Variants in TNNI3K observed in about 807,000 individuals in gnomAD.
TNNI3K encodes the protein serine/threonine-protein kinase TNNI3K.
A neutral mutation model predicts 114.5 loss-of-function variants in TNNI3K; 140 were observed. The observed-to-expected ratio is 1.22, with a 90% CI of 1.07 to 1.41. The LOEUF is 1.41. Among genes scored for constraint, TNNI3K ranks in the 40% most tolerant of loss-of-function variants. The pLI is 0.00. For missense variants in TNNI3K, 1,125 were observed against 1,007.6 expected (o/e 1.12, Z -1.58); for synonymous variants, 347 against 347.5 (o/e 1.00, Z 0.02).
chr1:74,298,533 T>A (rs1658126985), intron 5 of TNNI3K, among the ~76,000 whole-genome samples: 1 of 152,160 alleles, frequency 6.6e-6, no homozygotes. Flanking sequence ...GAGAGTTAAA[T>A]CATCCAAATT....
At chr1:74,306,537 T>C (rs1658648681) in intron 5 of TNNI3K, among the ~76,000 whole-genome samples, 1 of 152,130 alleles carries the variant, frequency 6.6e-6, no homozygotes, top group Non-Finnish European at 1.5e-5. Context: ...CATGCCAACA[T>C]GTGTTAGTTT....
At chr1:74,250,043 T>A (rs1654832112) in intron 3 of TNNI3K, among the ~76,000 whole-genome samples, 1 of 152,242 alleles carries the variant, frequency 6.6e-6, no homozygotes, top group Admixed American at 6.5e-5. Context: ...GAATGGTGCC[T>A]GGCCTGTAAT....
At chr1:74,253,383 C>A (rs1463315392) in intron 4 of TNNI3K, among the ~76,000 whole-genome samples, 1 of 152,150 alleles carries the variant, frequency 6.6e-6, no homozygotes, top group Non-Finnish European at 1.5e-5. Context: ...CACTGTGGAG[C>A]AGGGGGCAGC....
At chr1:74,464,491 T>A (rs1407612094) in intron 21 of TNNI3K, 2 of 1,354,962 alleles carry the variant, frequency 1.5e-6, no homozygotes, top group Non-Finnish European at 1.9e-6. Context: ...TTGTTTCTGA[T>A]CCTTCCTAGG....
intron 17 of TNNI3K, among the ~76,000 whole-genome samples, chr1:74,399,083 G>A (rs947780551): frequency 2.7e-5 from 4 of 150,758 alleles, no homozygotes; most frequent in African/African-American, 7.3e-5. Context: ...TTGAACCCGG[G>A]AGGTGGACGT....
At chr1:74,248,286 A>G (rs1654712333) in intron 2 of TNNI3K, among the ~76,000 whole-genome samples, 1 of 150,096 alleles carries the variant, frequency 6.7e-6, no homozygotes, top group Non-Finnish European at 1.5e-5. Context: ...TGCCCACTCC[A>G]CTCCCTCCAC....
intron 20 of TNNI3K, among the ~76,000 whole-genome samples, chr1:74,441,502 G>T (rs1298378366): frequency 6.6e-6 from 1 of 152,034 alleles, no homozygotes; most frequent in Non-Finnish European, 1.5e-5. Context: ...GCTTTTGTGT[G>T]GTTGTTTTTG....
chr1:74,538,072 G>A (rs10890129), intron 23 of TNNI3K, among the ~76,000 whole-genome samples: 142,848 of 152,206 alleles, frequency 0.94, 67,155 homozygotes, highest in Middle Eastern at 0.97. Flanking sequence ...ATTCTTAACC[G>A]TAGCACTATA....
At chr1:74,442,291 T>C (rs1180115671) in intron 20 of TNNI3K, among the ~76,000 whole-genome samples, 1 of 152,084 alleles carries the variant, frequency 6.6e-6, no homozygotes, top group African/African-American at 2.4e-5. Flanking sequence ...TGTATGCACT[T>C]ATTTCCAACT....
At chr1:74,426,578 T>C (rs1424190719) in intron 17 of TNNI3K, among the ~76,000 whole-genome samples, 1 of 152,152 alleles carries the variant, frequency 6.6e-6, no homozygotes, top group Non-Finnish European at 1.5e-5. Context: ...TTTTTTTCTA[T>C]CTTACTCGTC....
chr1:74,239,750 G>T lies in TNNI3K; in HGVS notation c.149+3540G>T, dbSNP rs531381250. Among the ~76,000 whole-genome samples, 3 of 152,114 alleles carry T rather than the reference G, an allele frequency of 2.0e-5. No homozygotes were observed. In the South Asian group the frequency reaches 6.2e-4, roughly 32 times the overall value. ...ATCAGCTCGAATACACAATCTTCCT[G>T]GCATAGCTTTTACCCACAACATAAT... On this transcript the variant is annotated intron_variant, in intron 2 of 24. Coordinates refer to ENST00000326637, the MANE Select transcript of TNNI3K (RefSeq NM_015978.3).
intron 17 of TNNI3K, among the ~76,000 whole-genome samples, chr1:74,381,935 GA>G (rs1422614584): frequency 2.0e-5 from 3 of 152,162 alleles, no homozygotes; most frequent in Admixed American, 1.3e-4. Context: ...ACATTCCAGA[GA>G]CTAAAAAATC....
intron 20 of TNNI3K, among the ~76,000 whole-genome samples, chr1:74,451,711 C>CTTTA (rs1407749097): frequency 3.0e-5 from 1 of 33,092 alleles, no homozygotes; most frequent in Non-Finnish European, 5.6e-5. Context: ...TTCTTTCTTT[C>CTTTA]TTTCTTTCTT....
At chr1:74,270,304 T>C (rs1216758065) in intron 4 of TNNI3K, among the ~76,000 whole-genome samples, 1 of 151,642 alleles carries the variant, frequency 6.6e-6, no homozygotes, top group Non-Finnish European at 1.5e-5. Flanking sequence ...AGATTCAATA[T>C]CTTTTTTCAG....
chr1:74,346,616 C>T (rs1341399427), intron 9 of TNNI3K, among the ~76,000 whole-genome samples: 2 of 150,416 alleles, frequency 1.3e-5, no homozygotes, highest in Non-Finnish European at 3.0e-5. Flanking sequence ...TCATCACCTC[C>T]TCCCTTCTCT....
intron 20 of TNNI3K, among the ~76,000 whole-genome samples, chr1:74,461,451 G>A (rs1308907250): frequency 6.7e-6 from 1 of 148,988 alleles, no homozygotes; most frequent in Non-Finnish European, 1.5e-5. Context: ...CTGCACTCCA[G>A]CCTGGGTGAC....
chr1:74,520,456 A>G (rs1646415874), intron 23 of TNNI3K, among the ~76,000 whole-genome samples: 1 of 151,726 alleles, frequency 6.6e-6, no homozygotes, highest in Non-Finnish European at 1.5e-5. Flanking sequence ...GGAGAAATCG[A>G]CCTTCTCATT....
At chr1:74,341,384 C>T (rs1253638934) in intron 7 of TNNI3K, among the ~76,000 whole-genome samples, 3 of 152,068 alleles carry the variant, frequency 2.0e-5, no homozygotes, top group Non-Finnish European at 4.4e-5. Context: ...TAGACGCTTT[C>T]CAATCATGAT....
At chr1:74,453,814 C>T (rs1667121928) in intron 20 of TNNI3K, among the ~76,000 whole-genome samples, 1 of 152,160 alleles carries the variant, frequency 6.6e-6, no homozygotes, top group African/African-American at 2.4e-5. Flanking sequence ...AAATCACGTG[C>T]TCTGACTCAC....
Sources: gnomAD v4.1 joint callset for allele counts (sites outside exome capture counted in the v4.1 genomes callset) on GRCh38, gnomAD v4.1.1 for gene constraint, MANE v1.5 for transcripts, NCBI Gene and HGNC (gene_info 2026-07-23, HGNC 2026-07-21) for gene names.